The following SV2C variants were observed in gnomAD, a reference collection of about 807,000 sequenced individuals.
SV2C encodes the protein solute carrier family 22 member B3.
In SV2C, 49 loss-of-function variants were observed where a neutral mutation model predicts 79.7. The ratio of observed to expected loss-of-function variants is 0.61; its 90% CI spans 0.49 to 0.78. SV2C has a LOEUF of 0.78. Among genes scored for constraint, SV2C ranks in the 30% least tolerant of loss-of-function variants. SV2C has a pLI of 0.00. For missense variants in SV2C, 833 were observed against 912.9 expected, an observed-to-expected ratio of 0.91 and a Z score of 1.13; for synonymous variants, 334 against 333.2, an observed-to-expected ratio of 1.00 and a Z score of -0.03.
the SV2C span, among the ~76,000 whole-genome samples, chr5:75,896,033 T>C: frequency 6.6e-6 from 1 of 151,980 alleles, no homozygotes; most frequent in Non-Finnish European, 1.5e-5. Context: ...TTATCTAAAT[T>C]GTCAGTAATT....
chr5:76,285,908 T>C (rs780104591), intron 6 of SV2C, 38 bp downstream of exon 6: 9 of 1,567,192 alleles, frequency 5.7e-6, no homozygotes, highest in South Asian at 4.6e-5. Flanking sequence ...ACACCAGGGA[T>C]TGGGACATGT....
intron 5 of SV2C, 70 bp from the exon 6 acceptor site, chr5:76,285,711 C>T (rs575888248): frequency 1.5e-5 from 19 of 1,296,190 alleles, no homozygotes; most frequent in East Asian, 7.0e-5. Context: ...CAATGCAAGA[C>T]GGCTATTGGA....
At chr5:76,033,086 A>G in the SV2C span, among the ~76,000 whole-genome samples, 1 of 151,720 alleles carries the variant, frequency 6.6e-6, no homozygotes, top group Non-Finnish European at 1.5e-5. Context: ...CCACTTTTTG[A>G]TGGGGTTGTT....
intron 2 of SV2C, among the ~76,000 whole-genome samples, chr5:76,146,524 G>A (rs573143160): frequency 2.0e-5 from 3 of 152,166 alleles, no homozygotes; most frequent in Non-Finnish European, 2.9e-5. Flanking sequence ...GGTCACTCTC[G>A]TCACCATCTT....
At position 76,327,414 on chromosome 5, in the gene SV2C, C is replaced by T. The variant is rs146625556; in HGVS notation, c.*1867C>T. ...CAAGATGCATTTGAAAGATACCAAC[C>T]GCACAGGGAAAGAAACAACTTTCTC... On this transcript the variant is annotated 3_prime_UTR_variant, in exon 13 of 13. Transcript: ENST00000502798. 17 of 152,274 alleles carry T rather than the reference C, an allele frequency of 1.1e-4. No individual in the cohort carries two copies. The highest frequency in any genetic ancestry group is 9.1e-4 in the Admixed American group (14 of 15,306). 9.4% of individuals were successfully genotyped at this position (152,274 alleles called of 1,614,324 possible). A position where few individuals can be genotyped will look rare whatever the true frequency, so the allele number is the denominator to read the frequency against.
rs540899668 is a variant in SV2C at position 76,327,502 on chromosome 5, T to C, written c.*1955T>C. On this transcript the variant is annotated 3_prime_UTR_variant, in exon 13 of 13. Transcript: ENST00000502798. ...ACAGCAGTCAAACAACCCAAGAAAGTACCCTGTATGTTTTTCTTCTTCCAC... is the reference window on the plus strand; with the variant it reads ...ACAGCAGTCAAACAACCCAAGAAAGCACCCTGTATGTTTTTCTTCTTCCAC... 8.5e-5 allele frequency: 13 copies of C among 152,330 alleles called. No individual in the cohort carries two copies. In the East Asian group the frequency reaches 2.5e-3, roughly 29 times the overall value. The allele number at this position is 152,330 out of a possible 1,614,324, so 9.4% of individuals were successfully genotyped here. A position where few individuals can be genotyped will look rare whatever the true frequency, so the allele number is the denominator to read the frequency against.
intron 1 of SV2C, among the ~76,000 whole-genome samples, chr5:76,121,369 T>A (rs1174999247): frequency 3.3e-5 from 5 of 151,818 alleles, no homozygotes; most frequent in Non-Finnish European, 7.4e-5. Context: ...GCTCTTTAGT[T>A]TAATTAGATC....
the SV2C span, among the ~76,000 whole-genome samples, chr5:75,922,761 G>A: frequency 6.6e-6 from 1 of 152,238 alleles, no homozygotes; most frequent in African/African-American, 2.4e-5. Context: ...CTCTTCCATG[G>A]CAATTTAGGA....
At chr5:76,098,343 AT>A (rs1368324580) in intron 1 of SV2C, among the ~76,000 whole-genome samples, 32 of 152,286 alleles carry the variant, frequency 2.1e-4, no homozygotes, top group Admixed American at 1.6e-3. Context: ...AGGATATTAT[AT>A]TTTCCTATTA....
the SV2C span, among the ~76,000 whole-genome samples, chr5:76,015,176 A>G: frequency 1.3e-5 from 2 of 152,296 alleles, no homozygotes; most frequent in East Asian, 3.9e-4. Flanking sequence ...GCCACAGCAG[A>G]TTAGAGAGCT....
chr5:75,914,146 T>C, the SV2C span, among the ~76,000 whole-genome samples: 1 of 152,294 alleles, frequency 6.6e-6, no homozygotes, highest in East Asian at 1.9e-4. Context: ...CCCAGTTTCA[T>C]CTTTAAAGTA....
intron 10 of SV2C, among the ~76,000 whole-genome samples, chr5:76,300,416 T>G (rs1253918101): frequency 6.6e-6 from 1 of 152,048 alleles, no homozygotes; most frequent in African/African-American, 2.4e-5. Flanking sequence ...CATAGTAATA[T>G]TGTAAAGGAG....
the SV2C span, among the ~76,000 whole-genome samples, chr5:75,883,361 A>G: frequency 1.9e-4 from 27 of 145,380 alleles, no homozygotes; most frequent in Admixed American, 1.6e-3. Context: ...AAAGGACTAT[A>G]AATCATGCTG....
intron 4 of SV2C, among the ~76,000 whole-genome samples, chr5:76,245,984 T>C (rs998554467): frequency 6.7e-6 from 1 of 148,894 alleles, no homozygotes; most frequent in Admixed American, 6.7e-5. Context: ...AAACAGGATA[T>C]AGAAGGTTTT....
chr5:76,084,358 C>G (rs375361783), intron 1 of SV2C, among the ~76,000 whole-genome samples: 186 of 152,228 alleles, frequency 1.2e-3, no homozygotes, highest in African/African-American at 4.3e-3. Context: ...ATCAGCCGAC[C>G]CTCTGACCCT....
the SV2C span, among the ~76,000 whole-genome samples, chr5:76,037,280 G>C: frequency 6.6e-6 from 1 of 152,204 alleles, no homozygotes; most frequent in East Asian, 1.9e-4. Flanking sequence ...TTGTTCCGTT[G>C]CTGGTGAGGA....
the SV2C span, among the ~76,000 whole-genome samples, chr5:75,958,021 A>T: frequency 4.6e-5 from 7 of 152,000 alleles, no homozygotes; most frequent in African/African-American, 1.7e-4. Flanking sequence ...GATACTCTAA[A>T]ATAGGTTCAA....
Position 76,256,931 on chromosome 5 carries a change from T to C in SV2C, c.914-28231T>C, listed in dbSNP as rs146958437. Among the ~76,000 whole-genome samples the C allele has an allele frequency of 3.0e-4, 46 of 152,368 alleles. No individual in the cohort carries two copies. The East Asian group carries it at 8.1e-3, about 27-fold the overall frequency. ...AAGTTTCTAAAATTGCATTTGAACT[T>C]CTACCTGCCTCTAGCTGAATGAAAA... On this transcript the variant is annotated intron_variant, in intron 4 of 12. Transcript: ENST00000502798.
intron 12 of SV2C, among the ~76,000 whole-genome samples, chr5:76,323,752 C>G (rs1225756197): frequency 1.3e-5 from 2 of 152,186 alleles, no homozygotes. Context: ...ATGGATGAAG[C>G]TAGAAGCCAT....
Sources: gnomAD v4.1 joint callset for allele counts (sites outside exome capture counted in the v4.1 genomes callset) on GRCh38, gnomAD v4.1.1 for gene constraint, MANE v1.5 for transcripts, NCBI Gene and HGNC (gene_info 2026-07-23, HGNC 2026-07-21) for gene names.